Variants in LSAMP observed in about 807,000 individuals in gnomAD.
The protein encoded by LSAMP is limbic system-associated membrane protein.
A neutral mutation model predicts 38.6 loss-of-function variants in LSAMP; 7 were observed. The observed-to-expected ratio is 0.18, with a 90% CI of 0.10 to 0.34. The LOEUF (loss-of-function observed/expected upper bound fraction) is 0.34, where lower values mean the gene tolerates loss of function less well. Ranked by LOEUF, LSAMP falls within the 10% of genes least tolerant of loss-of-function variation. The pLI, the probability that LSAMP is intolerant of heterozygous loss-of-function variation, is 1.00. For synonymous variants in LSAMP, 154 were observed against 166.8 expected (o/e 0.92, Z 0.59); for missense variants, 313 against 420.0 (o/e 0.75, Z 2.23).
chr3:116,005,309 C>A (rs140797841), intron 3 of LSAMP, among the ~76,000 whole-genome samples: 2 of 152,106 alleles, frequency 1.3e-5, no homozygotes, highest in Non-Finnish European at 2.9e-5. Context: ...AATAATTCTT[C>A]ACCTATCTCC....
intron 1 of LSAMP, among the ~76,000 whole-genome samples, chr3:116,091,590 C>T (rs1050361417): frequency 2.6e-5 from 4 of 152,204 alleles, no homozygotes; most frequent in Non-Finnish European, 4.4e-5. Context: ...TCACAATCCA[C>T]GTTCTTCTGT....
chr3:116,282,882 C>T (rs116147463), intron 1 of LSAMP, among the ~76,000 whole-genome samples: 15,620 of 152,034 alleles, frequency 0.1, 1,859 homozygotes, highest in African/African-American at 0.29. Flanking sequence ...AACTGCTGTG[C>T]TCCTTGTCAG....
At chr3:115,957,850 C>T (rs1938500572) in intron 3 of LSAMP, among the ~76,000 whole-genome samples, 2 of 152,140 alleles carry the variant, frequency 1.3e-5, no homozygotes, top group African/African-American at 4.8e-5. Context: ...GGTGAGTTAT[C>T]ACCTTGTTGT....
chr3:116,054,603 C>T (rs749670668), intron 2 of LSAMP, among the ~76,000 whole-genome samples: 1 of 152,088 alleles, frequency 6.6e-6, no homozygotes, highest in Non-Finnish European at 1.5e-5. Context: ...CCACCAACAC[C>T]TTCAAGCCAT....
chr3:116,037,717 C>T (rs145732858), intron 2 of LSAMP, among the ~76,000 whole-genome samples: 1 of 152,114 alleles, frequency 6.6e-6, no homozygotes, highest in African/African-American at 2.4e-5. Context: ...TTATGTAGGG[C>T]TTGCAGAATA....
chr3:116,031,429 T>C (rs1237747426), intron 2 of LSAMP, among the ~76,000 whole-genome samples: 3 of 151,944 alleles, frequency 2.0e-5, no homozygotes, highest in East Asian at 1.9e-4. Context: ...TTACTGTTCA[T>C]CTAATTTTTC....
At chr3:116,034,850 G>C (rs138343745) in intron 2 of LSAMP, among the ~76,000 whole-genome samples, 15 of 152,232 alleles carry the variant, frequency 9.9e-5, no homozygotes, top group Non-Finnish European at 1.9e-4. Flanking sequence ...GAGAAGCTAA[G>C]GTTTAAGCCT....
chr3:116,239,733 G>A (rs1156450715), intron 1 of LSAMP, among the ~76,000 whole-genome samples: 2 of 152,114 alleles, frequency 1.3e-5, no homozygotes, highest in Non-Finnish European at 2.9e-5. Flanking sequence ...CAGGAAGTCT[G>A]TTAAATGCAT....
chr3:115,908,981 C>A (rs1311646221), intron 3 of LSAMP, among the ~76,000 whole-genome samples: 5 of 152,176 alleles, frequency 3.3e-5, no homozygotes, highest in African/African-American at 1.2e-4. Context: ...TGATCATGTA[C>A]TTAAATTTAG....
intron 1 of LSAMP, among the ~76,000 whole-genome samples, chr3:116,216,594 A>G (rs1415225813): frequency 2.0e-5 from 3 of 152,176 alleles, no homozygotes; most frequent in Non-Finnish European, 4.4e-5. Context: ...AATATAATGC[A>G]TGAAGTGAAT....
chr3:116,195,718 G>GAA (rs10631420), intron 1 of LSAMP, among the ~76,000 whole-genome samples: 11,213 of 139,476 alleles, frequency 0.08, 436 homozygotes, highest in Middle Eastern at 0.11. Context: ...AAAAAAAAAT[G>GAA]AAAAAAAAAA....
At chr3:116,376,884 T>C (rs1164845347) in intron 1 of LSAMP, among the ~76,000 whole-genome samples, 1 of 152,012 alleles carries the variant, frequency 6.6e-6, no homozygotes, top group Non-Finnish European at 1.5e-5. Context: ...AACTCGTAAC[T>C]CTGTATTTTA....
At chr3:116,442,712 C>T (rs1018899586) in intron 1 of LSAMP, among the ~76,000 whole-genome samples, 5 of 152,162 alleles carry the variant, frequency 3.3e-5, no homozygotes, top group Admixed American at 2.0e-4. Context: ...GTTTCATAGG[C>T]GACTTATTTG....
At chr3:116,421,030 A>T (rs1006881648) in intron 1 of LSAMP, among the ~76,000 whole-genome samples, 1 of 152,236 alleles carries the variant, frequency 6.6e-6, no homozygotes, top group African/African-American at 2.4e-5. Context: ...ATAGAAATTG[A>T]TAAAAAATGG....
At chr3:116,217,001 C>G (rs994106357) in intron 1 of LSAMP, among the ~76,000 whole-genome samples, 1 of 152,144 alleles carries the variant, frequency 6.6e-6, no homozygotes, top group African/African-American at 2.4e-5. Flanking sequence ...TAAGCTTATT[C>G]CAAACACCCA....
intron 4 of LSAMP, among the ~76,000 whole-genome samples, chr3:115,848,200 G>A (rs975167208): frequency 4.6e-5 from 7 of 152,196 alleles, no homozygotes; most frequent in Non-Finnish European, 8.8e-5. Context: ...AAGGCAGGCA[G>A]ATCTCTTAAG....
chr3:116,036,099 A>G (rs532416353), intron 2 of LSAMP, among the ~76,000 whole-genome samples: 1 of 152,346 alleles, frequency 6.6e-6, no homozygotes, highest in South Asian at 2.1e-4. Context: ...AGAACTCAGT[A>G]GTATCTGCTT....
At chr3:116,024,883 C>T (rs1354508138) in intron 2 of LSAMP, among the ~76,000 whole-genome samples, 1 of 151,442 alleles carries the variant, frequency 6.6e-6, no homozygotes, top group Non-Finnish European at 1.5e-5. Context: ...TATCACATAG[C>T]TAATGAATAA....
rs114442563 is a variant in LSAMP at position 115,850,842 on chromosome 3, G to A, written c.649+1641C>T. Among the ~76,000 whole-genome samples the A allele has an allele frequency of 2.8e-3, 425 of 152,288 alleles. 3 individuals carry two copies. Among genetic ancestry groups the A allele is most frequent in the African/African-American group, 9.8e-3 (407 of 41,556 alleles). On this transcript the variant is annotated intron_variant, in intron 4 of 6. Transcript: ENST00000490035. ...AATGGTGCATCCCAGCATAGGCTGC[G>A]TAAACTTTAGCGAGTTTCCTCAGCT... is the stretch of plus-strand genomic sequence containing the variant.
Sources: gnomAD v4.1 joint callset for allele counts (sites outside exome capture counted in the v4.1 genomes callset) on GRCh38, gnomAD v4.1.1 for gene constraint, MANE v1.5 for transcripts, NCBI Gene and HGNC (gene_info 2026-07-23, HGNC 2026-07-21) for gene names.